Variants in NAV2 observed in about 807,000 individuals in gnomAD.
NAV2 encodes helicase, APC down-regulated 1.
A neutral mutation model predicts 223.2 loss-of-function variants in NAV2; 54 were observed. That is an observed-to-expected ratio of 0.24 (90% CI 0.19 to 0.30). The LOEUF (loss-of-function observed/expected upper bound fraction) is 0.30, where lower values mean the gene tolerates loss of function less well. NAV2 is among the 10% of genes least tolerant of loss of function. The pLI, the probability that NAV2 is intolerant of heterozygous loss-of-function variation, is 1.00. For missense variants in NAV2, 2,806 were observed against 3,147.5 expected, an observed-to-expected ratio of 0.89 and a Z score of 2.60; for synonymous variants, 1,279 against 1,239.3, an observed-to-expected ratio of 1.03 and a Z score of -0.67.
chr11:19,744,983 G>A (rs1047556428), intron 1 of NAV2, among the ~76,000 whole-genome samples: 11 of 152,184 alleles, frequency 7.2e-5, no homozygotes, highest in African/African-American at 2.4e-4. Flanking sequence ...TGTAAGATAG[G>A]TGGACTCCTG....
At chr11:19,360,489 CT>C (rs2133781586) in intron 1 of NAV2, among the ~76,000 whole-genome samples, 1 of 152,330 alleles carries the variant, frequency 6.6e-6, no homozygotes, top group Admixed American at 6.5e-5. Context: ...CACATAAAGT[CT>C]CTCCGACTGT....
intron 5 of NAV2, among the ~76,000 whole-genome samples, chr11:19,888,163 A>G (rs1396112597): frequency 1.3e-5 from 2 of 151,978 alleles, no homozygotes; most frequent in Non-Finnish European, 2.9e-5. Context: ...CTCAACATGT[A>G]TATGTTTCAA....
At chr11:19,860,386 CCGGA>C (rs1330269182) in intron 3 of NAV2, among the ~76,000 whole-genome samples, 1 of 148,836 alleles carries the variant, frequency 6.7e-6, no homozygotes, top group East Asian at 2.0e-4. Flanking sequence ...TCCTCACATC[CCGGA>C]CGGGGCGACA....
At position 19,707,397 on chromosome 11, in the gene NAV2, A is replaced by T. The variant is rs114691817; in HGVS notation, c.76-125087A>T. Reference sequence around the variant, plus strand: ...CTTTATAAGCTTTTTTCTATTAGTTATTTTTTTAACTTTTTCAACTTCTTA... The same window carrying T: ...CTTTATAAGCTTTTTTCTATTAGTTTTTTTTTTAACTTTTTCAACTTCTTA... On this transcript the variant is annotated intron_variant, in intron 1 of 37. Transcript: ENST00000360655. 3.6e-3 allele frequency among the ~76,000 whole-genome samples: 547 copies of T among 152,262 alleles called. 2 individuals are homozygous for T. The highest frequency in any genetic ancestry group is 0.013 in the African/African-American group (529 of 41,558).
chr11:19,655,301 A>C (rs527598924), intron 1 of NAV2, among the ~76,000 whole-genome samples: 2 of 152,322 alleles, frequency 1.3e-5, no homozygotes, highest in Admixed American at 6.5e-5. Context: ...GTGGGACTGT[A>C]AACTAGTTCA....
intron 1 of NAV2, among the ~76,000 whole-genome samples, chr11:19,700,510 C>T (rs935669698): frequency 2.6e-5 from 4 of 152,174 alleles, no homozygotes; most frequent in African/African-American, 9.7e-5. Context: ...TAAGCGCAAA[C>T]ATCTGTGAGA....
At chr11:20,021,116 C>A (rs534422227) in intron 11 of NAV2, among the ~76,000 whole-genome samples, 1 of 152,204 alleles carries the variant, frequency 6.6e-6, no homozygotes, top group Non-Finnish European at 1.5e-5. Flanking sequence ...CAAATCACAT[C>A]TTCTTCTTTA....
intron 1 of NAV2, among the ~76,000 whole-genome samples, chr11:19,689,323 G>A (rs1183724745): frequency 6.6e-6 from 1 of 152,214 alleles, no homozygotes; most frequent in Admixed American, 6.5e-5. Flanking sequence ...AGCTCCAAGG[G>A]ATACGTGCAA....
At chr11:19,643,315 T>G (rs1302146609) in intron 1 of NAV2, among the ~76,000 whole-genome samples, 1 of 75,150 alleles carries the variant, frequency 1.3e-5, no homozygotes, top group Admixed American at 1.6e-4. Flanking sequence ...CCCTCCCCCC[T>G]CCCCCCACCC....
intron 4 of NAV2, among the ~76,000 whole-genome samples, chr11:19,873,917 C>T (rs2062690804): frequency 6.6e-6 from 1 of 152,156 alleles, no homozygotes; most frequent in Admixed American, 6.5e-5. Flanking sequence ...GGCCCAACTG[C>T]AGGGACAATG....
intron 1 of NAV2, among the ~76,000 whole-genome samples, chr11:19,707,491 C>T (rs2049700954): frequency 6.6e-6 from 1 of 152,066 alleles, no homozygotes; most frequent in Admixed American, 6.6e-5. Context: ...CACTGTTTTC[C>T]ACCTCCACAT....
intron 37 of NAV2, among the ~76,000 whole-genome samples, chr11:20,116,328 T>C (rs1282742703): frequency 6.6e-6 from 1 of 152,250 alleles, no homozygotes; most frequent in Non-Finnish European, 1.5e-5. Context: ...TGGTGGGATG[T>C]AGCTGTGGTT....
intron 1 of NAV2, among the ~76,000 whole-genome samples, chr11:19,684,452 T>C (rs894789966): frequency 6.6e-6 from 1 of 152,160 alleles, no homozygotes; most frequent in Non-Finnish European, 1.5e-5. Flanking sequence ...AAGGTCATTC[T>C]TGGTGGCCCA....
At chr11:19,553,120 T>C (rs1339585342) in intron 1 of NAV2, among the ~76,000 whole-genome samples, 1 of 152,186 alleles carries the variant, frequency 6.6e-6, no homozygotes, top group Non-Finnish European at 1.5e-5. Context: ...GCATTCCTGT[T>C]CCCTTGCAAG....
Position 20,094,566 on chromosome 11 carries a change from G to A in NAV2, c.5917-1106G>A, listed in dbSNP as rs117688659. 5.9e-3 allele frequency among the ~76,000 whole-genome samples: 891 copies of A among 152,280 alleles called. 5 individuals are homozygous for A. The highest frequency in any genetic ancestry group is 0.01 in the Middle Eastern group (3 of 294). ...TTACAGTAAATGCAGGTTACACCTT[G>A]TGGATTATTTATTCTAGTGATTGTC... On this transcript the variant is annotated intron_variant, in intron 29 of 37. Transcript: ENST00000349880.
intron 5 of NAV2, among the ~76,000 whole-genome samples, chr11:19,888,116 G>C (rs567695113): frequency 6.6e-6 from 1 of 152,182 alleles, no homozygotes; most frequent in East Asian, 1.9e-4. Context: ...TTCCCCCACC[G>C]CTTACACCAC....
intron 1 of NAV2, among the ~76,000 whole-genome samples, chr11:19,367,336 T>C (rs1848321180): frequency 6.6e-6 from 1 of 152,184 alleles, no homozygotes. Flanking sequence ...TTGAGCTGAC[T>C]TCTACAGTGG....
chr11:19,596,321 C>T (rs2046206088), intron 1 of NAV2, among the ~76,000 whole-genome samples: 1 of 152,210 alleles, frequency 6.6e-6, no homozygotes, highest in Non-Finnish European at 1.5e-5. Flanking sequence ...TAGACTTGCC[C>T]TAGTGGAATC....
intron 1 of NAV2, among the ~76,000 whole-genome samples, chr11:19,540,092 C>T (rs749219397): frequency 2.4e-4 from 37 of 152,204 alleles, no homozygotes; most frequent in Non-Finnish European, 4.4e-4. Context: ...TAGCCACCAT[C>T]CCTGAAGGGC....
Sources: allele counts gnomAD v4.1 joint callset (sites outside exome capture counted in the v4.1 genomes callset), GRCh38; gene constraint gnomAD v4.1.1; transcripts MANE v1.5; gene names NCBI Gene and HGNC (gene_info 2026-07-23, HGNC 2026-07-21).